GLRB: variants seen among roughly 807,000 people sequenced by gnomAD.
GLRB encodes the protein glycine receptor beta.
GLRB carries 33 observed loss-of-function variants against 54.2 expected under a neutral mutation model. The ratio of observed to expected loss-of-function variants is 0.61; its 90% confidence interval spans 0.46 to 0.81. The LOEUF is 0.81. GLRB is among the 40% of genes least tolerant of loss of function. The pLI is 0.00. For missense variants in GLRB, 572 were observed against 584.6 expected (o/e 0.98, Z 0.22); for synonymous variants, 209 against 208.2 (o/e 1.00, Z -0.03).
At chr4:157,144,545 C>T (rs1736738534) in intron 8 of GLRB, among the ~76,000 whole-genome samples, 1 of 152,140 alleles carries the variant, frequency 6.6e-6, no homozygotes, top group African/African-American at 2.4e-5. Flanking sequence ...GGCTAAAAAG[C>T]CTTTGCTTAA....
rs572930986 is a variant in GLRB at position 157,148,754 on chromosome 4, C to T, written c.905-3964C>T. ...TGTGTTGAGATTTTTTTTAAACAGCCCATTCTAGCATATGCCTCCTGGTAA... is the reference window on the plus strand; with the variant it reads ...TGTGTTGAGATTTTTTTTAAACAGCTCATTCTAGCATATGCCTCCTGGTAA... On this transcript the variant is annotated intron_variant, in intron 8 of 9. Coordinates refer to ENST00000264428, the MANE Select transcript of GLRB (RefSeq NM_000824.5). 4.1e-4 allele frequency among the ~76,000 whole-genome samples: 62 copies of T among 152,044 alleles called. No homozygotes were observed. The South Asian group carries it at 5.8e-3, about 14-fold the overall frequency.
intron 8 of GLRB, among the ~76,000 whole-genome samples, chr4:157,148,731 T>A (rs1398011184): frequency 6.6e-6 from 1 of 152,154 alleles, no homozygotes; most frequent in Non-Finnish European, 1.5e-5. Context: ...CTTTTATGTG[T>A]GTTGAGATTT....
chr4:157,086,648 GA>G (rs1438820363), intron 2 of GLRB, among the ~76,000 whole-genome samples: 13 of 152,170 alleles, frequency 8.5e-5, no homozygotes, highest in African/African-American at 3.1e-4. Context: ...TTCTTTGTAT[GA>G]CTCCAAGTTA....
intron 2 of GLRB, among the ~76,000 whole-genome samples, chr4:157,118,310 C>G (rs1185124169): frequency 3.3e-5 from 5 of 151,652 alleles, no homozygotes; most frequent in African/African-American, 1.2e-4. Context: ...CTTTTACTTC[C>G]TTTGAATGAG....
In GLRB at chr4:157,170,868, C is replaced by T; in HGVS notation, c.*140C>T. ...CCATTTGATTGTAATAAAACTGTGG[C>T]ACCTTAATTTTGAATGGCAGCATGA... On this transcript the variant is annotated 3_prime_UTR_variant, in exon 10 of 10. Transcript: ENST00000264428. 1.7e-6 allele frequency: 1 copy of T among 578,826 alleles called. No individual in the cohort carries two copies. The highest frequency in any genetic ancestry group is 2.4e-5 in the South Asian group (1 of 41,666). The allele number at this position is 578,826 out of a possible 1,614,324, so 35.9% of individuals were successfully genotyped here.
intron 2 of GLRB, among the ~76,000 whole-genome samples, chr4:157,119,156 A>G (rs778771837): frequency 1.3e-5 from 2 of 151,660 alleles, no homozygotes; most frequent in Non-Finnish European, 3.0e-5. Context: ...TAAAGAGTTC[A>G]TGACAAATAT....
At chr4:157,077,103 A>G (rs1734066915) in intron 1 of GLRB, among the ~76,000 whole-genome samples, 1 of 151,872 alleles carries the variant, frequency 6.6e-6, no homozygotes, top group African/African-American at 2.4e-5. Flanking sequence ...AAGAGAAACA[A>G]TTTATGGTTT....
chr4:157,167,899 A>G (rs1028358816), intron 9 of GLRB, among the ~76,000 whole-genome samples: 2 of 152,072 alleles, frequency 1.3e-5, no homozygotes, highest in Non-Finnish European at 2.9e-5. Context: ...AGTGAGAGGG[A>G]GGGCAGGTGC....
intron 9 of GLRB, among the ~76,000 whole-genome samples, chr4:157,164,144 A>ATT (rs200742243): frequency 3.2e-4 from 46 of 145,020 alleles, no homozygotes; most frequent in African/African-American, 8.6e-4. Context: ...CTTTACCAGT[A>ATT]TTTTTTTTTT....
In GLRB at chr4:157,160,077, G is replaced by A. The variant is rs192698074; in HGVS notation, c.1197+7067G>A. ...TTAGCCTTGGGAGGGTGTGTGTGTCGAGGAATTTATCCATTTCTTCTAGAT... is the reference window on the plus strand; with the variant it reads ...TTAGCCTTGGGAGGGTGTGTGTGTCAAGGAATTTATCCATTTCTTCTAGAT... On this transcript the variant is annotated intron_variant, in intron 9 of 9. Transcript: ENST00000264428. Among the ~76,000 whole-genome samples, 493 of 152,146 alleles carry A rather than the reference G, an allele frequency of 3.2e-3. 5 individuals are homozygous for A. Among genetic ancestry groups the A allele is most frequent in the African/African-American group, 0.011 (466 of 41,506 alleles).
intron 4 of GLRB, among the ~76,000 whole-genome samples, chr4:157,133,102 C>T (rs1736275935): frequency 6.6e-6 from 1 of 151,646 alleles, no homozygotes; most frequent in Non-Finnish European, 1.5e-5. Context: ...AACATCTTTA[C>T]AACAATAGAA....
At chr4:157,133,415 A>G (rs1015444597) in intron 4 of GLRB, among the ~76,000 whole-genome samples, 1 of 151,930 alleles carries the variant, frequency 6.6e-6, no homozygotes, top group Non-Finnish European at 1.5e-5. Flanking sequence ...TATAGGTATC[A>G]ATTCATTAGT....
chr4:157,106,664 T>G (rs1735237620), intron 2 of GLRB, among the ~76,000 whole-genome samples: 1 of 152,050 alleles, frequency 6.6e-6, no homozygotes, highest in African/African-American at 2.4e-5. Context: ...CCCTGGTATT[T>G]GGAACCTGGC....
chr4:157,132,103 GGT>G (rs1223245971), intron 4 of GLRB, among the ~76,000 whole-genome samples: 6 of 151,840 alleles, frequency 4.0e-5, no homozygotes, highest in African/African-American at 1.2e-4. Context: ...CATTCAAATA[GGT>G]GTGTAGTGGT....
At chr4:157,138,603 T>G (rs1736494992) in intron 6 of GLRB, among the ~76,000 whole-genome samples, 1 of 152,332 alleles carries the variant, frequency 6.6e-6, no homozygotes, top group Non-Finnish European at 1.5e-5. Context: ...AAACTTGTTC[T>G]TTCTTTAAGA....
intron 4 of GLRB, among the ~76,000 whole-genome samples, chr4:157,131,497 CA>C (rs1263270588): frequency 6.6e-6 from 1 of 151,610 alleles, no homozygotes; most frequent in African/African-American, 2.4e-5. Flanking sequence ...TGGGTTTTGT[CA>C]AATGTATAAT....
At chr4:157,147,319 C>A (rs1736850184) in intron 8 of GLRB, among the ~76,000 whole-genome samples, 1 of 152,060 alleles carries the variant, frequency 6.6e-6, no homozygotes, top group Admixed American at 6.6e-5. Context: ...AAGAAAGTGA[C>A]CAACCAACTG....
intron 2 of GLRB, chr4:157,078,420 CT>C (rs1322050601): frequency 1.2e-5 from 2 of 170,532 alleles, no homozygotes; most frequent in African/African-American, 4.8e-5. Context: ...GAAAAAGTCA[CT>C]ATTTTTTTCT....
chr4:157,133,121 C>T (rs1736276939), intron 4 of GLRB, among the ~76,000 whole-genome samples: 1 of 151,798 alleles, frequency 6.6e-6, no homozygotes, highest in Non-Finnish European at 1.5e-5. Flanking sequence ...AAAAGGAATG[C>T]TGTCAATAGT....
Sources: gnomAD v4.1 joint callset for allele counts (sites outside exome capture counted in the v4.1 genomes callset) on GRCh38, gnomAD v4.1.1 for gene constraint, MANE v1.5 for transcripts, NCBI Gene and HGNC (gene_info 2026-07-23, HGNC 2026-07-21) for gene names.